Variants in SLC25A26 observed in about 807,000 individuals in gnomAD.
SLC25A26 encodes solute carrier family 25 member 26, also known as mitochondrial S-adenosylmethionine carrier protein.
Under a neutral mutation model 37.8 loss-of-function variants are expected in SLC25A26, and 36 were observed. That is an observed-to-expected ratio of 0.95 (90% confidence interval 0.73 to 1.26). The LOEUF (loss-of-function observed/expected upper bound fraction) is 1.26. Ranked by LOEUF, SLC25A26 falls within the 50% of genes most tolerant of loss-of-function variation. The probability of loss-of-function intolerance (pLI) is 0.00; values close to 1 mark genes in which losing one functional copy is unlikely to be tolerated. For synonymous variants in SLC25A26, 129 were observed against 122.5 expected (o/e 1.05, Z -0.35); for missense variants, 390 against 331.1 (o/e 1.18, Z -1.38).
In SLC25A26 at chr3:66,244,362, A is replaced by G. The variant is rs78163207; in HGVS notation, c.300+1050A>G. Reference sequence around the variant, plus strand: ...ACTGACAGAATTTTATGGAGAAATGAAGAAAACTGTAGTCTTAGTTGGAGA... The same window carrying G: ...ACTGACAGAATTTTATGGAGAAATGGAGAAAACTGTAGTCTTAGTTGGAGA... On this transcript the variant is annotated intron_variant, in intron 3 of 9. Coordinates refer to ENST00000354883, the MANE Select transcript of SLC25A26 (RefSeq NM_001379210.1). 7.3e-3 allele frequency among the ~76,000 whole-genome samples: 1,106 copies of G among 152,356 alleles called. 16 individuals carry two copies. The highest frequency in any genetic ancestry group is 0.024 in the African/African-American group (1,011 of 41,578).
chr3:66,278,418 C>T (rs573024061), intron 5 of SLC25A26, among the ~76,000 whole-genome samples: 1 of 152,102 alleles, frequency 6.6e-6, no homozygotes, highest in Non-Finnish European at 1.5e-5. Flanking sequence ...ATTCTGGTTC[C>T]ACTCTCTAGA....
chr3:66,297,062 C>T (rs976372684), intron 5 of SLC25A26, among the ~76,000 whole-genome samples: 1 of 152,166 alleles, frequency 6.6e-6, no homozygotes, highest in African/African-American at 2.4e-5. Flanking sequence ...CGGTGGCTCA[C>T]GCCTGTAATC....
intron 6 of SLC25A26, among the ~76,000 whole-genome samples, chr3:66,347,427 C>G (rs1273724062): frequency 6.6e-6 from 1 of 152,166 alleles, no homozygotes; most frequent in East Asian, 1.9e-4. Flanking sequence ...CAATGAGATA[C>G]CGTCTCACAC....
intron 1 of SLC25A26, among the ~76,000 whole-genome samples, chr3:66,206,394 C>A (rs1327122977): frequency 6.6e-6 from 1 of 152,130 alleles, no homozygotes; most frequent in Non-Finnish European, 1.5e-5. Context: ...AGTTGTGCAC[C>A]ATTTAAGCCC....
intron 5 of SLC25A26, among the ~76,000 whole-genome samples, chr3:66,265,382 T>C (rs980749996): frequency 1.3e-5 from 2 of 152,206 alleles, no homozygotes; most frequent in Non-Finnish European, 2.9e-5. Context: ...CTTGAAAAAG[T>C]TAGTTTTTTC....
intron 6 of SLC25A26, among the ~76,000 whole-genome samples, chr3:66,357,714 TAAAA>T (rs879774477): frequency 6.9e-6 from 1 of 144,512 alleles, no homozygotes; most frequent in African/African-American, 2.5e-5. Context: ...GGCAGATTCT[TAAAA>T]AAAAAAAACT....
intron 7 of SLC25A26, among the ~76,000 whole-genome samples, chr3:66,366,800 T>C (rs897302831): frequency 3.2e-4 from 48 of 152,232 alleles, no homozygotes; most frequent in African/African-American, 1.2e-3. Flanking sequence ...AAAGTCATTA[T>C]GTAGTGGAAC....
intron 5 of SLC25A26, among the ~76,000 whole-genome samples, chr3:66,333,576 C>G (rs561446349): frequency 1.1e-4 from 17 of 152,246 alleles, no homozygotes; most frequent in Non-Finnish European, 1.9e-4. Flanking sequence ...GGGTTTATTC[C>G]CTTCATCTTG....
chr3:66,205,338 C>A (rs999883626), intron 1 of SLC25A26, among the ~76,000 whole-genome samples: 41 of 152,100 alleles, frequency 2.7e-4, no homozygotes, highest in Admixed American at 6.6e-5. Flanking sequence ...ACATCTTTCT[C>A]TGGTTAGGAA....
intron 1 of SLC25A26, among the ~76,000 whole-genome samples, chr3:66,222,939 A>G (rs1321516582): frequency 1.3e-5 from 2 of 152,222 alleles, no homozygotes; most frequent in Non-Finnish European, 2.9e-5. Context: ...ATTAGAATCA[A>G]TAGGTGGAAG....
chr3:66,179,530 A>C (rs1234637383), intron 1 of SLC25A26, among the ~76,000 whole-genome samples: 2 of 152,202 alleles, frequency 1.3e-5, no homozygotes, highest in Non-Finnish European at 2.9e-5. Context: ...TAAATATGGG[A>C]TATGACTTAG....
At chr3:66,329,146 C>G (rs527699277) in intron 5 of SLC25A26, among the ~76,000 whole-genome samples, 1 of 152,280 alleles carries the variant, frequency 6.6e-6, no homozygotes, top group East Asian at 1.9e-4. Flanking sequence ...ATTGGAATTT[C>G]ATATTAAGTC....
At chr3:66,315,290 A>C (rs981302085) in intron 5 of SLC25A26, among the ~76,000 whole-genome samples, 7 of 152,030 alleles carry the variant, frequency 4.6e-5, no homozygotes, top group African/African-American at 9.7e-5. Flanking sequence ...TAATGCTGCA[A>C]ATCTGTGTCC....
At chr3:66,264,298 A>G (rs1460243977) in intron 5 of SLC25A26, among the ~76,000 whole-genome samples, 1 of 152,102 alleles carries the variant, frequency 6.6e-6, no homozygotes, top group Non-Finnish European at 1.5e-5. Context: ...AGAAATAACT[A>G]CTAAGGGTAA....
chr3:66,239,189 C>T (rs1288063142), intron 2 of SLC25A26, among the ~76,000 whole-genome samples: 1 of 151,714 alleles, frequency 6.6e-6, no homozygotes, highest in African/African-American at 2.4e-5. Flanking sequence ...AAGTTGTCTT[C>T]TGTTAATTCC....
At chr3:66,228,634 A>G (rs887487218) in intron 1 of SLC25A26, among the ~76,000 whole-genome samples, 4 of 152,224 alleles carry the variant, frequency 2.6e-5, no homozygotes, top group Admixed American at 1.3e-4. Context: ...TTTAGAGTCT[A>G]GTAGGAGGCA....
intron 3 of SLC25A26, among the ~76,000 whole-genome samples, chr3:66,249,875 C>A (rs2073012004): frequency 6.6e-6 from 1 of 152,190 alleles, no homozygotes; most frequent in African/African-American, 2.4e-5. Context: ...AACACAGAAG[C>A]TGAAACAGAA....
chr3:66,177,627 C>T (rs1198810994), intron 1 of SLC25A26, among the ~76,000 whole-genome samples: 1 of 152,238 alleles, frequency 6.6e-6, no homozygotes, highest in Admixed American at 6.5e-5. Flanking sequence ...ATCGTCTGTC[C>T]TGTGACTGCC....
At chr3:66,284,778 A>G (rs1207479204) in intron 5 of SLC25A26, among the ~76,000 whole-genome samples, 3 of 152,198 alleles carry the variant, frequency 2.0e-5, no homozygotes, top group Non-Finnish European at 4.4e-5. Flanking sequence ...CAGCAAATAT[A>G]TATTTATATC....
Sources: gnomAD v4.1 joint callset for allele counts (sites outside exome capture counted in the v4.1 genomes callset) on GRCh38, gnomAD v4.1.1 for gene constraint, MANE v1.5 for transcripts, NCBI Gene and HGNC (gene_info 2026-07-23, HGNC 2026-07-21) for gene names.